The following ADAMTS17 variants were observed in gnomAD, a reference collection of about 807,000 sequenced individuals.
ADAMTS17 encodes the protein A disintegrin and metalloproteinase with thrombospondin motifs 17.
In ADAMTS17, 113 loss-of-function variants were observed where a neutral mutation model predicts 141.5. The ratio of observed to expected loss-of-function variants is 0.80; its 90% confidence interval spans 0.69 to 0.93. The LOEUF (loss-of-function observed/expected upper bound fraction) is 0.93, where lower values mean the gene tolerates loss of function less well. ADAMTS17 is among the 40% of genes least tolerant of loss of function. ADAMTS17 has a pLI of 0.00. For missense variants in ADAMTS17, 1,659 were observed against 1,517.9 expected, an observed-to-expected ratio of 1.09 and a Z score of -1.54; for synonymous variants, 768 against 630.6, an observed-to-expected ratio of 1.22 and a Z score of -3.27.
chr15:100,275,212 G>A (rs1567470247), intron 4 of ADAMTS17, among the ~76,000 whole-genome samples: 1 of 152,150 alleles, frequency 6.6e-6, no homozygotes, highest in African/African-American at 2.4e-5. Context: ...AGTCAAGTTC[G>A]GGCTGCCTAG....
At chr15:100,278,766 A>T (rs2044187491) in intron 4 of ADAMTS17, among the ~76,000 whole-genome samples, 1 of 152,222 alleles carries the variant, frequency 6.6e-6, no homozygotes, top group Admixed American at 6.5e-5. Context: ...GGTTCCCCAC[A>T]CCCAGTGGGC....
At chr15:100,275,695 C>T (rs117275173) in intron 4 of ADAMTS17, among the ~76,000 whole-genome samples, 2,512 of 152,164 alleles carry the variant, frequency 0.017, 33 homozygotes, top group East Asian at 0.072. Context: ...CGAAATCCAC[C>T]AGGTATGAGA....
intron 14 of ADAMTS17, among the ~76,000 whole-genome samples, chr15:100,106,797 T>C (rs1009604108): frequency 1.3e-5 from 2 of 152,216 alleles, no homozygotes; most frequent in African/African-American, 4.8e-5. Flanking sequence ...TGCACTTGGC[T>C]GGTTAGAAGT....
chr15:100,168,326 C>T (rs753763505), intron 8 of ADAMTS17: 7 of 152,212 alleles, frequency 4.6e-5, no homozygotes, highest in Non-Finnish European at 8.8e-5. Context: ...GTACAAAGTG[C>T]TTCTCTTTAG....
Position 100,036,266 on chromosome 15 carries a change from G to A in ADAMTS17, c.2591+12591C>T, listed in dbSNP as rs556803361. Reference sequence around the variant, plus strand: ...GTGAAAGGGCCTGCCGAAGGGCAACGGACCACACTGGGCAAATTCTCTGTC... The same window carrying A: ...GTGAAAGGGCCTGCCGAAGGGCAACAGACCACACTGGGCAAATTCTCTGTC... On this transcript the variant is annotated intron_variant, in intron 18 of 21. Coordinates refer to ENST00000268070, the MANE Select transcript of ADAMTS17 (RefSeq NM_139057.4). Among the ~76,000 whole-genome samples the A allele has an allele frequency of 2.0e-4, 31 of 152,366 alleles. No individual in the cohort carries two copies. In the South Asian group the frequency reaches 5.8e-3, roughly 29 times the overall value.
At chr15:100,056,986 A>G (rs1426809057) in intron 15 of ADAMTS17, among the ~76,000 whole-genome samples, 1 of 152,090 alleles carries the variant, frequency 6.6e-6, no homozygotes, top group African/African-American at 2.4e-5. Flanking sequence ...GCCCGCTTTC[A>G]GCTGAGCGTG....
intron 3 of ADAMTS17, among the ~76,000 whole-genome samples, chr15:100,287,024 C>T (rs891938967): frequency 1.3e-5 from 2 of 152,160 alleles, no homozygotes; most frequent in African/African-American, 4.8e-5. Context: ...CCCGTCTCTA[C>T]TAAAAATACA....
At chr15:100,054,095 G>A (rs1219273513) in intron 15 of ADAMTS17, 41 bp from the exon 16 acceptor site, 6 of 1,612,142 alleles carry the variant, frequency 3.7e-6, no homozygotes, top group African/African-American at 1.3e-5. Flanking sequence ...AGGGGCTGGG[G>A]GTAGGGGGAT....
intron 8 of ADAMTS17, among the ~76,000 whole-genome samples, chr15:100,184,705 A>G (rs1287966878): frequency 6.6e-6 from 1 of 151,806 alleles, no homozygotes; most frequent in Non-Finnish European, 1.5e-5. Context: ...CCACCTGGGA[A>G]CTCCGCTCCT....
intron 14 of ADAMTS17, among the ~76,000 whole-genome samples, chr15:100,108,711 T>C (rs2036557929): frequency 6.6e-6 from 1 of 152,178 alleles, no homozygotes; most frequent in Non-Finnish European, 1.5e-5. Context: ...CCTACCTTCG[T>C]CTTGGTCATG....
At chr15:100,211,666 C>G (rs530760042) in intron 7 of ADAMTS17, among the ~76,000 whole-genome samples, 3 of 152,012 alleles carry the variant, frequency 2.0e-5, no homozygotes, top group Non-Finnish European at 2.9e-5. Context: ...ATAAAAGGTA[C>G]CATAAACAAA....
intron 7 of ADAMTS17, among the ~76,000 whole-genome samples, chr15:100,209,314 T>G (rs2041710503): frequency 6.6e-6 from 1 of 152,206 alleles, no homozygotes; most frequent in South Asian, 2.1e-4. Flanking sequence ...GCTCTTGGGC[T>G]GCGCACAAAG....
chr15:100,135,720 T>C (rs2038295976), intron 10 of ADAMTS17, among the ~76,000 whole-genome samples: 1 of 152,192 alleles, frequency 6.6e-6, no homozygotes, highest in African/African-American at 2.4e-5. Flanking sequence ...AAAAAACTCC[T>C]ATAGATCAAT....
intron 14 of ADAMTS17, among the ~76,000 whole-genome samples, chr15:100,100,882 C>T (rs1325760578): frequency 6.6e-6 from 1 of 152,118 alleles, no homozygotes; most frequent in Admixed American, 6.5e-5. Flanking sequence ...GCCTTCCTCC[C>T]CCACTCCAGA....
intron 15 of ADAMTS17, among the ~76,000 whole-genome samples, chr15:100,079,239 C>A (rs1256255563): frequency 2.0e-5 from 3 of 152,170 alleles, no homozygotes; most frequent in Non-Finnish European, 2.9e-5. Flanking sequence ...CACATGGTAA[C>A]TCGTACACAA....
At chr15:100,109,262 A>AGCTCCTCTAAACACGCGGCACT in intron 13 of ADAMTS17, 146 bp from the exon 14 acceptor site, 1 of 1,084,688 alleles carries the variant, frequency 9.2e-7, no homozygotes, top group Non-Finnish European at 1.3e-6. Context: ...TACGCGCTCC[A>AGCTCCTCTAAACACGCGGCACT]GGAAGCGGAA....
chr15:100,130,151 G>A lies in ADAMTS17; in HGVS notation c.1721+1856C>T, dbSNP rs141866010. Among the ~76,000 whole-genome samples the A allele has an allele frequency of 4.6e-5, 7 of 152,208 alleles. No homozygotes were observed. The East Asian group carries it at 1.4e-3, about 29-fold the overall frequency. On this transcript the variant is annotated intron_variant, in intron 12 of 21. Transcript: ENST00000268070. ...AGGCAGAGGTGAGCAGATCACATGAGGTCAGGAGTTCAAGACCAGCCTGGC... is the reference window on the plus strand; with the variant it reads ...AGGCAGAGGTGAGCAGATCACATGAAGTCAGGAGTTCAAGACCAGCCTGGC...
intron 3 of ADAMTS17, among the ~76,000 whole-genome samples, chr15:100,292,766 C>T (rs1485556468): frequency 6.6e-6 from 1 of 152,244 alleles, no homozygotes. Flanking sequence ...GCATCCTTAT[C>T]ACCATTCATT....
Position 100,199,222 on chromosome 15 carries a change from G to A in ADAMTS17, c.1181+96C>T, listed in dbSNP as rs2041229799. 2.1e-5 allele frequency: 25 copies of A among 1,183,064 alleles called. No individual in the cohort carries two copies. In the South Asian group the frequency reaches 2.7e-4, roughly 13 times the overall value. 73.3% of individuals were successfully genotyped at this position (1,183,064 alleles called of 1,614,324 possible). ...TTATTGCAGATGCAGCAAAGGCATA[G>A]AGCAGCACTGTTTTAGAACTTACAG... On this transcript the variant is annotated intron_variant, in intron 8 of 21. Coordinates refer to ENST00000268070, the MANE Select transcript of ADAMTS17 (RefSeq NM_139057.4).
Sources: allele counts gnomAD v4.1 joint callset (sites outside exome capture counted in the v4.1 genomes callset), GRCh38; gene constraint gnomAD v4.1.1; transcripts MANE v1.5; gene names NCBI Gene and HGNC (gene_info 2026-07-23, HGNC 2026-07-21).